Variants in ECPAS observed in about 807,000 individuals in gnomAD.
ECPAS encodes the protein proteasome adapter and scaffold protein ECM29.
In ECPAS, 70 loss-of-function variants were observed where a neutral mutation model predicts 255.1. The observed-to-expected ratio is 0.27, with a 90% confidence interval of 0.23 to 0.33. The LOEUF (loss-of-function observed/expected upper bound fraction) is 0.33. ECPAS is among the 10% of genes least tolerant of loss of function. ECPAS has a pLI of 1.00. For missense variants in ECPAS, 1,817 were observed against 2,206.4 expected, an observed-to-expected ratio of 0.82 and a Z score of 3.54; for synonymous variants, 784 against 775.0, an observed-to-expected ratio of 1.01 and a Z score of -0.19.
chr9:111,374,096 A>G, intron 38 of ECPAS, 58 bp from the exon 39 acceptor site: 1 of 1,387,590 alleles, frequency 7.2e-7, no homozygotes, highest in Non-Finnish European at 1.0e-6. Flanking sequence ...CTACCTACCA[A>G]ACCATTGGCT....
intron 24 of ECPAS, among the ~76,000 whole-genome samples, chr9:111,398,794 G>A (rs923376057): frequency 1.3e-4 from 20 of 152,132 alleles, no homozygotes; most frequent in South Asian, 2.1e-4. Context: ...AAAATTAGCC[G>A]GGCATGGTGG....
chr9:111,378,103 G>T (rs561031059), intron 36 of ECPAS, among the ~76,000 whole-genome samples: 13 of 152,118 alleles, frequency 8.5e-5, no homozygotes, highest in Non-Finnish European at 1.9e-4. Flanking sequence ...CCGAGATGGT[G>T]CCACTGCACT....
chr9:111,457,286 G>A (rs951674401), intron 2 of ECPAS, among the ~76,000 whole-genome samples: 2 of 152,162 alleles, frequency 1.3e-5, no homozygotes, highest in African/African-American at 4.8e-5. Flanking sequence ...TATGAAAGGG[G>A]AGGGGAACAG....
chr9:111,483,948 C>T (rs1343639400), intron 1 of ECPAS, 168 bp downstream of exon 1: 1 of 953,528 alleles, frequency 1.0e-6, no homozygotes, highest in South Asian at 4.6e-5. Flanking sequence ...CTCGCGCGCC[C>T]GCCCGCCCTC....
At chr9:111,420,775 G>T (rs1456187696) in intron 15 of ECPAS, among the ~76,000 whole-genome samples, 1 of 152,122 alleles carries the variant, frequency 6.6e-6, no homozygotes, top group East Asian at 1.9e-4. Flanking sequence ...AGTGAAATAA[G>T]AGAGACATTA....
At chr9:111,459,828 C>CA (rs906646868) in intron 2 of ECPAS, among the ~76,000 whole-genome samples, 8 of 151,966 alleles carry the variant, frequency 5.3e-5, no homozygotes, top group Admixed American at 2.0e-4. Flanking sequence ...CCTCCCCACA[C>CA]AAAAAAATGG....
At chr9:111,431,970 C>T (rs1409201645) in intron 8 of ECPAS, among the ~76,000 whole-genome samples, 1 of 152,098 alleles carries the variant, frequency 6.6e-6, no homozygotes, top group Non-Finnish European at 1.5e-5. Context: ...AGATTTCAGA[C>T]AAAACAAACA....
intron 2 of ECPAS, among the ~76,000 whole-genome samples, chr9:111,460,257 A>C (rs2098271622): frequency 6.6e-6 from 1 of 152,214 alleles, no homozygotes; most frequent in Non-Finnish European, 1.5e-5. Context: ...CATTTGATCA[A>C]ATTCAACATC....
chr9:111,368,597 T>C (rs932714347), intron 46 of ECPAS, among the ~76,000 whole-genome samples: 1 of 152,302 alleles, frequency 6.6e-6, no homozygotes, highest in East Asian at 1.9e-4. Context: ...AGAGGTCATA[T>C]GAGTGGGCCC....
At chr9:111,362,474 T>A (rs12237423) in intron 49 of ECPAS, among the ~76,000 whole-genome samples, 1 of 151,884 alleles carries the variant, frequency 6.6e-6, no homozygotes, top group Non-Finnish European at 1.5e-5. Flanking sequence ...AAGAAGGAAT[T>A]ATCAGGGCAA....
At chr9:111,477,682 CCT>C (rs1188586808) in intron 1 of ECPAS, among the ~76,000 whole-genome samples, 3 of 152,100 alleles carry the variant, frequency 2.0e-5, no homozygotes, top group Non-Finnish European at 2.9e-5. Context: ...TAGCTCTACC[CCT>C]GAGACAGTAC....
chr9:111,402,268 A>G (rs1011721879), intron 24 of ECPAS, among the ~76,000 whole-genome samples: 1 of 152,252 alleles, frequency 6.6e-6, no homozygotes, highest in Admixed American at 6.5e-5. Context: ...ACATTCAAAT[A>G]TAAAGGATAA....
At chr9:111,395,158 A>C (rs917688247) in intron 25 of ECPAS, among the ~76,000 whole-genome samples, 27 of 152,150 alleles carry the variant, frequency 1.8e-4, no homozygotes, top group African/African-American at 6.5e-4. Context: ...TCAGAGTCAG[A>C]ATCCCTTCTT....
intron 10 of ECPAS, 95 bp downstream of exon 10, chr9:111,427,947 C>G: frequency 9.5e-7 from 1 of 1,047,530 alleles, no homozygotes; most frequent in Non-Finnish European, 1.3e-6. Context: ...ATACATCAAC[C>G]TACCCACTGA....
In ECPAS at chr9:111,423,240, T is replaced by A. The variant is rs1482961389; in HGVS notation, c.1224A>T (p.Lys408Asn). Reference sequence around the variant, plus strand: ...CAGCTGAATATGCCATTGACAGTAGTTTAGGGTCCTTGAAATTAAAAAAAG... The same window carrying A: ...CAGCTGAATATGCCATTGACAGTAGATTAGGGTCCTTGAAATTAAAAAAAG... ...KLINEYKEDP[K>N]LLSMAYSAVG... Residue 408 changes from lysine (K) to asparagine (N), a missense_variant, in exon 13 of 50, where the codon AAA becomes AAT. By Grantham distance (94) the Lys-to-Asn change is moderately conservative. Around this residue, in one of 4 missense-constraint regions of ECPAS, gnomAD observed 573 missense variants for 716.2 expected, o/e 0.80. Transcript: ENST00000684092. 6.4e-7 allele frequency: 1 copy of A among 1,554,382 alleles called. No individual in the cohort carries two copies. Among genetic ancestry groups the A allele is most frequent in the Non-Finnish European group, 8.7e-7 (1 of 1,147,302 alleles).
intron 13 of ECPAS, 69 bp downstream of exon 13, chr9:111,423,130 T>C: frequency 9.6e-7 from 1 of 1,041,104 alleles, no homozygotes; most frequent in South Asian, 1.5e-5. Flanking sequence ...TCTCCGCCAT[T>C]ATTAAATGCC....
chr9:111,409,302 T>C (rs1210769245), intron 23 of ECPAS, among the ~76,000 whole-genome samples: 1 of 152,212 alleles, frequency 6.6e-6, no homozygotes, highest in Non-Finnish European at 1.5e-5. Context: ...CTCAAGCCTG[T>C]AATCCCAGCA....
intron 27 of ECPAS, 42 bp from the exon 28 acceptor site, chr9:111,392,924 T>C (rs749142508): frequency 7.1e-7 from 1 of 1,400,514 alleles, no homozygotes; most frequent in Admixed American, 2.1e-5. Context: ...TTAAAAAAAA[T>C]TTTGTCTACT....
At chr9:111,464,780 G>A (rs1407162180) in intron 2 of ECPAS, among the ~76,000 whole-genome samples, 1 of 151,990 alleles carries the variant, frequency 6.6e-6, no homozygotes, top group African/African-American at 2.4e-5. Flanking sequence ...AAAAGGGAGA[G>A]GGAAGGAGGG....
Sources: gnomAD v4.1 joint callset for allele counts (sites outside exome capture counted in the v4.1 genomes callset) on GRCh38, gnomAD v4.1.1 for gene constraint, gnomAD v4.1.1 regional missense constraint, MANE v1.5 for transcripts, NCBI Gene and HGNC (gene_info 2026-07-23, HGNC 2026-07-21) for gene names.